The following DPYSL2 variants were observed in gnomAD, a reference collection of about 807,000 sequenced individuals.
The protein encoded by DPYSL2 is dihydropyrimidinase like 2.
DPYSL2 carries 13 observed loss-of-function variants against 69.9 expected under a neutral mutation model. That is an observed-to-expected ratio of 0.19 (90% CI 0.12 to 0.30). The LOEUF is 0.30. DPYSL2 is among the 10% of genes least tolerant of loss of function. The probability of loss-of-function intolerance (pLI) is 1.00; values close to 1 mark genes in which losing one functional copy is unlikely to be tolerated. For synonymous variants in DPYSL2, 326 were observed against 359.1 expected (o/e 0.91, Z 1.04); for missense variants, 587 against 918.9 (o/e 0.64, Z 4.67).
rs978590671 is a variant in DPYSL2, at chr8:26,580,044, C to G, written c.355-1925C>G. Reference sequence around the variant, plus strand: ...CTCCCTCCCTCACCACTGGCAGCCTCTTATGTAAGAGCCTTCTGGAAGGCA... The same window carrying G: ...CTCCCTCCCTCACCACTGGCAGCCTGTTATGTAAGAGCCTTCTGGAAGGCA... On this transcript the variant is annotated intron_variant, in intron 1 of 13. Transcript: ENST00000521913. This position sits in a 1 kb window ranked among gnomAD's most constrained non-coding sequence, Gnocchi z 4.1. Among the ~76,000 whole-genome samples the G allele has an allele frequency of 3.3e-5, 5 of 150,388 alleles. 1 individual carries two copies. The highest frequency in any genetic ancestry group is 3.3e-4 in the Admixed American group (5 of 15,046).
intron 3 of DPYSL2, among the ~76,000 whole-genome samples, chr8:26,589,827 C>A (rs1316971123): frequency 1.3e-5 from 2 of 152,256 alleles, no homozygotes; most frequent in African/African-American, 4.8e-5. Flanking sequence ...TACAGAGGGT[C>A]ACAACATGGA....
At chr8:26,569,181 A>G (rs1425143583) in intron 1 of DPYSL2, among the ~76,000 whole-genome samples, 2 of 151,960 alleles carry the variant, frequency 1.3e-5, no homozygotes, top group African/African-American at 2.4e-5. Context: ...ACATAGCAAG[A>G]CCCTGTCTAC....
intron 1 of DPYSL2, among the ~76,000 whole-genome samples, chr8:26,553,736 A>G (rs926894091): frequency 6.6e-6 from 1 of 152,060 alleles, no homozygotes; most frequent in Non-Finnish European, 1.5e-5. Flanking sequence ...TTGGGTATAT[A>G]CCCAGTAGTG....
chr8:26,584,109 G>A (rs1801545925), intron 3 of DPYSL2, 126 bp downstream of exon 3: 2 of 899,588 alleles, frequency 2.2e-6, no homozygotes, highest in African/African-American at 1.7e-5. Context: ...ACCAAATAAG[G>A]GGGTGAGGAT....
rs1802427322 is a variant in DPYSL2 at position 26,619,203 on chromosome 8, G to A, written c.629-4940G>A. On this transcript the variant is annotated intron_variant, in intron 3 of 13. Transcript: ENST00000521913. The surrounding 1 kb of genome is among the most constrained non-coding windows in gnomAD (Gnocchi z 4.8). Reference sequence around the variant, plus strand: ...ATTTTCAGGCTTGTGTCCTCAGTGGGGACTCTACTCCCTCCGGAAGTGAGT... The same window carrying A: ...ATTTTCAGGCTTGTGTCCTCAGTGGAGACTCTACTCCCTCCGGAAGTGAGT... Among the ~76,000 whole-genome samples, 1 of 152,142 alleles carries A rather than the reference G, an allele frequency of 6.6e-6. No homozygotes were observed. Among genetic ancestry groups the A allele is most frequent in the Non-Finnish European group, 1.5e-5 (1 of 68,036 alleles).
At position 26,640,513 on chromosome 8, in the gene DPYSL2, G is replaced by A. The variant is rs982979834; in HGVS notation, c.1127-2926G>A. Among the ~76,000 whole-genome samples, 1 of 152,180 alleles carries A rather than the reference G, an allele frequency of 6.6e-6. No individual in the cohort carries two copies. Among genetic ancestry groups the A allele is most frequent in the Non-Finnish European group, 1.5e-5 (1 of 68,022 alleles). ...TGTGGCCTGGCTGAGCTCCGGAAGT[G>A]CATCCACAGCACCCTCCTGTGAATG... On this transcript the variant is annotated intron_variant, in intron 8 of 13. Transcript: ENST00000521913. This position sits in a 1 kb window ranked among gnomAD's most constrained non-coding sequence, Gnocchi z 4.2.
intron 11 of DPYSL2, among the ~76,000 whole-genome samples, chr8:26,651,882 T>C (rs1803286562): frequency 6.6e-6 from 1 of 152,196 alleles, no homozygotes; most frequent in Non-Finnish European, 1.5e-5. Flanking sequence ...AGATTAAATT[T>C]AGAACTTGGT....
In DPYSL2 at chr8:26,631,774, A is replaced by T. The variant is rs186573433; in HGVS notation, c.1006-3006A>T. Among the ~76,000 whole-genome samples the T allele has an allele frequency of 2.6e-3, 391 of 151,822 alleles. 4 individuals are homozygous for T. Among genetic ancestry groups the T allele is most frequent in the African/African-American group, 8.5e-3 (354 of 41,406 alleles). ...CAGCCCAGTGAGGCGAGGAGGGGGG[A>T]TGCAGGGGGTTTGAAAGGCTTGGAT... On this transcript the variant is annotated intron_variant, in intron 7 of 13. Coordinates refer to ENST00000521913, the MANE Select transcript of DPYSL2 (RefSeq NM_001197293.3).
chr8:26,584,476 C>G (rs1342131286), intron 3 of DPYSL2, among the ~76,000 whole-genome samples: 2 of 152,146 alleles, frequency 1.3e-5, no homozygotes, highest in Non-Finnish European at 2.9e-5. Context: ...AGACGATACT[C>G]TCTAGGCTGA....
chr8:26,655,748 C>A lies in DPYSL2; in HGVS notation c.*42C>A. On this transcript the variant is annotated 3_prime_UTR_variant, in exon 14 of 14. Coordinates refer to ENST00000521913, the MANE Select transcript of DPYSL2 (RefSeq NM_001197293.3). ...CGTCCACTGGGGACTGGGGATGGGA[C>A]ACCTGAGGACATTCTGAGACTTCTT... The A allele has an allele frequency of 1.4e-6, 2 of 1,383,882 alleles. No individual in the cohort carries two copies. The highest frequency in any genetic ancestry group is 2.0e-6 in the Non-Finnish European group (2 of 1,016,704). The allele number at this position is 1,383,882 out of a possible 1,614,324, so 85.7% of individuals were successfully genotyped here. A position where few individuals can be genotyped will look rare whatever the true frequency, so the allele number is the denominator to read the frequency against.
At chr8:26,526,903 T>C (rs943127337) in intron 1 of DPYSL2, among the ~76,000 whole-genome samples, 3 of 152,110 alleles carry the variant, frequency 2.0e-5, no homozygotes, top group African/African-American at 7.2e-5. Context: ...GTCCTCTGGG[T>C]TGGGTGATAT....
Position 26,580,290 on chromosome 8 carries a change from T to A in DPYSL2, c.355-1679T>A, listed in dbSNP as rs1160253041. ...TAGACAGAGGACAAGTGCACTGATT[T>A]GAGTGACCTGGGCAAGTGGCCTAAC... is the stretch of plus-strand genomic sequence containing the variant. On this transcript the variant is annotated intron_variant, in intron 1 of 13. Transcript: ENST00000521913. The surrounding 1 kb of genome is among the most constrained non-coding windows in gnomAD (Gnocchi z 4.1). Among the ~76,000 whole-genome samples, 1 of 152,126 alleles carries A rather than the reference T, an allele frequency of 6.6e-6. No individual in the cohort carries two copies. Among genetic ancestry groups the A allele is most frequent in the Non-Finnish European group, 1.5e-5 (1 of 68,022 alleles).
chr8:26,628,532 G>GGA (rs1291729128), intron 7 of DPYSL2, among the ~76,000 whole-genome samples: 1 of 152,212 alleles, frequency 6.6e-6, no homozygotes, highest in Non-Finnish European at 1.5e-5. Context: ...CTTAGGTAAT[G>GGA]GAGAACCTGT....
At chr8:26,616,175 G>A (rs1802341806) in intron 3 of DPYSL2, among the ~76,000 whole-genome samples, 1 of 152,182 alleles carries the variant, frequency 6.6e-6, no homozygotes, top group South Asian at 2.1e-4. Context: ...CCAGGTATCT[G>A]GCTCTGGTCT....
chr8:26,560,288 C>G lies in DPYSL2; in HGVS notation c.355-21681C>G, dbSNP rs1286075851. ...GGTCAGGCCTTCCATGGATTATTTA[C>G]AGAATGAGGAATAAGACAAGCCTTA... On this transcript the variant is annotated intron_variant, in intron 1 of 13. Coordinates refer to ENST00000521913, the MANE Select transcript of DPYSL2 (RefSeq NM_001197293.3). The surrounding 1 kb of genome is among the most constrained non-coding windows in gnomAD (Gnocchi z 4.4). 6.6e-6 allele frequency among the ~76,000 whole-genome samples: 1 copy of G among 152,136 alleles called. No individual in the cohort carries two copies. The highest frequency in any genetic ancestry group is 2.4e-5 in the African/African-American group (1 of 41,424).
intron 3 of DPYSL2, among the ~76,000 whole-genome samples, chr8:26,623,560 G>C (rs188944992): frequency 3.9e-5 from 6 of 152,152 alleles, no homozygotes; most frequent in Non-Finnish European, 8.8e-5. Context: ...CCAGATCAGC[G>C]TACCTCCATA....
At chr8:26,577,849 T>A in intron 1 of DPYSL2, 1 of 1,064,324 alleles carries the variant, frequency 9.4e-7, no homozygotes, top group Non-Finnish European at 1.1e-6. Flanking sequence ...GGCCAATCGC[T>A]GCTCGTCTCT....
intron 11 of DPYSL2, among the ~76,000 whole-genome samples, chr8:26,651,380 G>A (rs1235366621): frequency 6.6e-6 from 1 of 152,162 alleles, no homozygotes; most frequent in East Asian, 1.9e-4. Context: ...CTGATAACCT[G>A]GTCTGAACTT....
chr8:26,571,127 C>T lies in DPYSL2; in HGVS notation c.355-10842C>T, dbSNP rs1801228767. On this transcript the variant is annotated intron_variant, in intron 1 of 13. Coordinates refer to ENST00000521913, the MANE Select transcript of DPYSL2 (RefSeq NM_001197293.3). The surrounding 1 kb of genome is among the most constrained non-coding windows in gnomAD (Gnocchi z 6.1). ...GATGCCCTGTGGTGAGTGGACCCCT[C>T]ACTAGGTAGGGAGTGAGCCCTTCCT... Among the ~76,000 whole-genome samples the T allele has an allele frequency of 6.6e-6, 1 of 152,242 alleles. No individual in the cohort carries two copies. Among genetic ancestry groups the T allele is most frequent in the African/African-American group, 2.4e-5 (1 of 41,462 alleles).
Sources: allele counts gnomAD v4.1 joint callset (sites outside exome capture counted in the v4.1 genomes callset), GRCh38; gene constraint gnomAD v4.1.1; non-coding constraint Gnocchi (gnomAD v3.1); transcripts MANE v1.5; gene names NCBI Gene and HGNC (gene_info 2026-07-23, HGNC 2026-07-21).